PTPRD: variants seen among roughly 807,000 people sequenced by gnomAD.
PTPRD encodes protein tyrosine phosphatase receptor type D.
PTPRD carries 34 observed loss-of-function variants against 214.5 expected under a neutral mutation model. The observed-to-expected ratio is 0.16, with a 90% CI of 0.12 to 0.21. The LOEUF (loss-of-function observed/expected upper bound fraction) is 0.21, where lower values mean the gene tolerates loss of function less well. Among genes scored for constraint, PTPRD ranks in the 10% least tolerant of loss-of-function variants. The probability of loss-of-function intolerance (pLI) is 1.00; values close to 1 mark genes in which losing one functional copy is unlikely to be tolerated. For missense variants in PTPRD, 2,545 were observed against 2,398.7 expected, an observed-to-expected ratio of 1.06 and a Z score of -1.27; for synonymous variants, 1,128 against 845.7, an observed-to-expected ratio of 1.33 and a Z score of -5.79.
intron 11 of PTPRD, among the ~76,000 whole-genome samples, chr9:9,015,408 C>A (rs537777234): frequency 6.6e-6 from 1 of 152,230 alleles, no homozygotes; most frequent in African/African-American, 2.4e-5. Context: ...CTCCCACCAG[C>A]GCCATGACAG....
chr9:9,654,459 T>C (rs1416378351), intron 7 of PTPRD, among the ~76,000 whole-genome samples: 1 of 152,070 alleles, frequency 6.6e-6, no homozygotes, highest in Admixed American at 6.6e-5. Flanking sequence ...TACACACACA[T>C]TACCCAGAGC....
At position 9,403,119 on chromosome 9, in the gene PTPRD, A is replaced by G. The variant is rs564553028; in HGVS notation, c.-236-5637T>C. 2.6e-5 allele frequency among the ~76,000 whole-genome samples: 4 copies of G among 150,994 alleles called. No individual in the cohort carries two copies. In the East Asian group the frequency reaches 5.9e-4, roughly 22 times the overall value. On this transcript the variant is annotated intron_variant, in intron 8 of 45. Coordinates refer to ENST00000381196, the MANE Select transcript of PTPRD (RefSeq NM_002839.4). ...AGCCTGGCCAACATGGTAAAACCCC[A>G]TCTCTACTAAAAATACAAAAAATTA...
intron 10 of PTPRD, among the ~76,000 whole-genome samples, chr9:9,034,679 G>A (rs1020556573): frequency 6.6e-6 from 1 of 151,942 alleles, no homozygotes; most frequent in African/African-American, 2.4e-5. Context: ...AGATTCACCC[G>A]TGTTCACATC....
chr9:8,430,323 G>T (rs1439651145), intron 35 of PTPRD, among the ~76,000 whole-genome samples: 2 of 151,416 alleles, frequency 1.3e-5, no homozygotes, highest in African/African-American at 4.9e-5. Flanking sequence ...AGGCTGCAGT[G>T]CAGTGACATG....
intron 5 of PTPRD, among the ~76,000 whole-genome samples, chr9:9,836,740 T>C (rs1305409761): frequency 6.6e-6 from 1 of 152,162 alleles, no homozygotes; most frequent in South Asian, 2.1e-4. Context: ...GCAAGTTATA[T>C]AAACTCTATA....
At chr9:9,563,820 T>G (rs752319080) in intron 8 of PTPRD, among the ~76,000 whole-genome samples, 3 of 152,148 alleles carry the variant, frequency 2.0e-5, no homozygotes, top group Admixed American at 1.3e-4. Flanking sequence ...AGAACTAGAA[T>G]TGACTCATAT....
chr9:8,616,933 C>T (rs922345061), intron 14 of PTPRD, among the ~76,000 whole-genome samples: 7 of 152,226 alleles, frequency 4.6e-5, no homozygotes, highest in African/African-American at 1.4e-4. Context: ...ACACTGATTT[C>T]CTCATATAGA....
chr9:9,837,727 G>A (rs539044357), intron 5 of PTPRD, among the ~76,000 whole-genome samples: 87 of 152,054 alleles, frequency 5.7e-4, no homozygotes, highest in African/African-American at 1.9e-3. Context: ...GACTTTGGCT[G>A]TGTTTTCTGT....
rs75880400 is a variant in PTPRD, at chr9:10,127,020, G to C, written c.-544-93230C>G. ...TCATTTCTGGGTAACAGGATATTCA[G>C]TGTGGCCTCTTCAGGGAAAGCAAGG... On this transcript the variant is annotated intron_variant, in intron 3 of 45. Coordinates refer to ENST00000381196, the MANE Select transcript of PTPRD (RefSeq NM_002839.4). 1.0e-3 allele frequency among the ~76,000 whole-genome samples: 153 copies of C among 149,214 alleles called. 1 individual carries two copies. The highest frequency in any genetic ancestry group is 3.7e-3 in the African/African-American group (147 of 39,966).
Position 9,382,904 on chromosome 9 carries a change from A to G in PTPRD, c.-203+14545T>C, listed in dbSNP as rs73397047. Among the ~76,000 whole-genome samples the G allele has an allele frequency of 7.3e-3, 1,106 of 152,202 alleles. 8 individuals carry two copies. Among genetic ancestry groups the G allele is most frequent in the African/African-American group, 0.025 (1,039 of 41,538 alleles). Reference sequence around the variant, plus strand: ...GCCAAGACACAAAAACAACCAACCTAAATGCCCACCAATAGATAAATGGAT... The same window carrying G: ...GCCAAGACACAAAAACAACCAACCTGAATGCCCACCAATAGATAAATGGAT... On this transcript the variant is annotated intron_variant, in intron 9 of 45. Transcript: ENST00000381196.
chr9:9,918,024 T>C (rs780122811), intron 5 of PTPRD, among the ~76,000 whole-genome samples: 8 of 151,980 alleles, frequency 5.3e-5, no homozygotes, highest in Non-Finnish European at 1.0e-4. Context: ...CTCTCACCTG[T>C]CTTATTACAC....
At chr9:9,041,911 C>A (rs2099641079) in intron 10 of PTPRD, among the ~76,000 whole-genome samples, 1 of 152,176 alleles carries the variant, frequency 6.6e-6, no homozygotes, top group Non-Finnish European at 1.5e-5. Context: ...AACAAGAAGT[C>A]TCTAAAACAC....
chr9:9,586,650 C>G (rs1359584890), intron 7 of PTPRD, among the ~76,000 whole-genome samples: 1 of 151,886 alleles, frequency 6.6e-6, no homozygotes, highest in East Asian at 1.9e-4. Flanking sequence ...CATAAATACT[C>G]ACTTTTCGCT....
At chr9:8,375,135 C>T (rs571030009) in intron 39 of PTPRD, among the ~76,000 whole-genome samples, 2 of 151,948 alleles carry the variant, frequency 1.3e-5, no homozygotes, top group Non-Finnish European at 2.9e-5. Context: ...AAATTATATG[C>T]ACTATACATT....
intron 9 of PTPRD, among the ~76,000 whole-genome samples, chr9:9,395,527 A>T (rs979753573): frequency 6.6e-6 from 1 of 152,076 alleles, no homozygotes; most frequent in African/African-American, 2.4e-5. Context: ...TGAAACTTCT[A>T]CTTCCATGGC....
chr9:8,892,525 G>GTGTGTATATATGTGTGTATATA (rs1566864581), intron 11 of PTPRD, among the ~76,000 whole-genome samples: 5 of 149,768 alleles, frequency 3.3e-5, no homozygotes, highest in African/African-American at 9.8e-5. Flanking sequence ...ATATATATAT[G>GTGTGTATATATGTGTGTATATA]TGTGTGTATA....
chr9:9,970,351 G>A (rs7870418), intron 4 of PTPRD, among the ~76,000 whole-genome samples: 32,019 of 149,916 alleles, frequency 0.21, 4,231 homozygotes, highest in African/African-American at 0.37. Context: ...TCGGGAGGCT[G>A]AGGCAGGAGA....
At chr9:10,224,058 C>A (rs1170783552) in intron 3 of PTPRD, among the ~76,000 whole-genome samples, 1 of 151,772 alleles carries the variant, frequency 6.6e-6, no homozygotes, top group East Asian at 1.9e-4. Flanking sequence ...CAATAAGTGA[C>A]AAATCTTCAT....
At chr9:8,575,260 A>G (rs778203062) in intron 14 of PTPRD, among the ~76,000 whole-genome samples, 1 of 152,140 alleles carries the variant, frequency 6.6e-6, no homozygotes, top group Non-Finnish European at 1.5e-5. Context: ...AAAGGCGATT[A>G]TATATTTATA....
Sources: gnomAD v4.1 joint callset for allele counts (sites outside exome capture counted in the v4.1 genomes callset) on GRCh38, gnomAD v4.1.1 for gene constraint, MANE v1.5 for transcripts, NCBI Gene and HGNC (gene_info 2026-07-23, HGNC 2026-07-21) for gene names.